ZNF148: variants seen among roughly 807,000 people sequenced by gnomAD.
ZNF148 encodes the protein Beta-Enolase Repressor Factor-1.
In ZNF148, 7 loss-of-function variants were observed where a neutral mutation model predicts 67.7. The observed-to-expected ratio is 0.10, with a 90% confidence interval of 0.06 to 0.19. ZNF148 has a LOEUF of 0.19. ZNF148 is among the 10% of genes least tolerant of loss of function. ZNF148 has a pLI of 1.00. For synonymous variants in ZNF148, 333 were observed against 330.7 expected, an observed-to-expected ratio of 1.01 and a Z score of -0.08; for missense variants, 583 against 947.1, an observed-to-expected ratio of 0.62 and a Z score of 5.05.
chr3:125,310,623 T>C (rs1940153793), intron 4 of ZNF148, among the ~76,000 whole-genome samples: 1 of 151,632 alleles, frequency 6.6e-6, no homozygotes, highest in Admixed American at 6.6e-5. Flanking sequence ...CAGAAATAAA[T>C]GAAACTGAAA....
rs142296275 is a variant in ZNF148, at chr3:125,321,798, T to C, written c.-17+1511A>G. 2.6e-5 allele frequency among the ~76,000 whole-genome samples: 4 copies of C among 152,248 alleles called. No homozygotes were observed. The East Asian group carries it at 7.7e-4, about 29-fold the overall frequency. ...ACATTAATATTCAAACTATAGTTTCTGTAATCTTACATAATAAATATTTTA... is the reference window on the plus strand; with the variant it reads ...ACATTAATATTCAAACTATAGTTTCCGTAATCTTACATAATAAATATTTTA... On this transcript the variant is annotated intron_variant, in intron 3 of 8. Transcript: ENST00000360647.
rs768929166 is a variant in ZNF148 at position 125,251,025 on chromosome 3, A to C, written c.668-16696T>G. Among the ~76,000 whole-genome samples, 5 of 152,140 alleles carry C rather than the reference A, an allele frequency of 3.3e-5. No homozygotes were observed. In the East Asian group the frequency reaches 5.8e-4, roughly 18 times the overall value. On this transcript the variant is annotated intron_variant, in intron 7 of 8. Coordinates refer to ENST00000360647, the MANE Select transcript of ZNF148 (RefSeq NM_021964.3). ...TTTATTTCGTCTAACCCTTCTCATT[A>C]TTTCTTTCTTTGCTACTTTCTTATT... is the stretch of plus-strand genomic sequence containing the variant.
At position 125,226,641 on chromosome 3, in the gene ZNF148, G is replaced by A. The variant is rs1437441936; in HGVS notation, c.*5700C>T. ...ACTATGCATGAAACAAGCTGTCACT[G>A]TATTATAAAGGCTCAGCAATTCATT... On this transcript the variant is annotated 3_prime_UTR_variant, in exon 9 of 9. Coordinates refer to ENST00000360647, the MANE Select transcript of ZNF148 (RefSeq NM_021964.3). The A allele has an allele frequency of 1.3e-5, 2 of 152,558 alleles. No individual in the cohort carries two copies. Among genetic ancestry groups the A allele is most frequent in the Non-Finnish European group, 2.9e-5 (2 of 68,006 alleles). The allele number at this position is 152,558 out of a possible 1,614,324, so 9.5% of individuals were successfully genotyped here. A position where few individuals can be genotyped will look rare whatever the true frequency, so the allele number is the denominator to read the frequency against.
chr3:125,256,260 C>T (rs1474744136), intron 7 of ZNF148, among the ~76,000 whole-genome samples: 13 of 151,352 alleles, frequency 8.6e-5, no homozygotes, highest in South Asian at 2.1e-4. Flanking sequence ...CCCAGCTACT[C>T]GGGAGGCTGA....
Position 125,279,234 on chromosome 3 carries a change from T to G in ZNF148, c.473A>C (p.Asn158Thr). The G allele has an allele frequency of 6.4e-7, 1 of 1,571,572 alleles. No homozygotes were observed. ...QRSPAKILTI[N>T]EDGSLGLKTP... The stretch of plus-strand genomic sequence containing the variant: ...TTTCAAACCAAGTGATCCATCCTCA[T>G]TTATTGTAAGGATCTAGTTCAAAAA... Residue 158 changes from asparagine (N) to threonine (T), a missense_variant, in exon 6 of 9, where the codon AAT becomes ACT. Asn to Thr is a moderately conservative substitution (Grantham distance 65, BLOSUM62 0). Around this residue, in one of 5 missense-constraint regions of ZNF148, gnomAD observed 150 missense variants for 202.5 expected, o/e 0.74. Coordinates refer to ENST00000360647, the MANE Select transcript of ZNF148 (RefSeq NM_021964.3).
intron 4 of ZNF148, among the ~76,000 whole-genome samples, chr3:125,298,806 T>G (rs1433830519): frequency 6.6e-6 from 1 of 151,796 alleles, no homozygotes; most frequent in Non-Finnish European, 1.5e-5. Context: ...TTTTTGTATT[T>G]TTAGTAGAGA....
chr3:125,342,901 T>C (rs935964560), intron 1 of ZNF148, among the ~76,000 whole-genome samples: 5 of 152,290 alleles, frequency 3.3e-5, no homozygotes, highest in African/African-American at 9.6e-5. Flanking sequence ...TTGATATTAG[T>C]AGACTAAGTC....
At chr3:125,366,988 A>C (rs1283685875) in intron 1 of ZNF148, among the ~76,000 whole-genome samples, 1 of 152,172 alleles carries the variant, frequency 6.6e-6, no homozygotes, top group African/African-American at 2.4e-5. Flanking sequence ...TGACTCACAG[A>C]TATATTTGTG....
intron 1 of ZNF148, among the ~76,000 whole-genome samples, chr3:125,347,566 A>ATT (rs1362461948): frequency 3.7e-5 from 3 of 81,018 alleles, no homozygotes; most frequent in Non-Finnish European, 7.1e-5. Context: ...AATTTTATGT[A>ATT]TTATTTTTTT....
At chr3:125,291,245 T>TGTA (rs1938995121) in intron 4 of ZNF148, among the ~76,000 whole-genome samples, 1 of 152,092 alleles carries the variant, frequency 6.6e-6, no homozygotes, top group Non-Finnish European at 1.5e-5. Flanking sequence ...AGCATTATCA[T>TGTA]CTCCCAATGT....
At chr3:125,269,205 C>CAAAAAAAA (rs71148173) in intron 7 of ZNF148, among the ~76,000 whole-genome samples, 2 of 96,870 alleles carry the variant, frequency 2.1e-5, no homozygotes, top group Non-Finnish European at 3.9e-5. Context: ...CGGTCTCTAC[C>CAAAAAAAA]AAAAAAAAAA....
intron 7 of ZNF148, among the ~76,000 whole-genome samples, chr3:125,244,762 T>C (rs916520307): frequency 2.0e-5 from 3 of 152,194 alleles, no homozygotes; most frequent in African/African-American, 7.2e-5. Context: ...CCTCCCAAAG[T>C]GCTGGGATTA....
chr3:125,252,121 A>G (rs934190582), intron 7 of ZNF148, among the ~76,000 whole-genome samples: 2 of 152,182 alleles, frequency 1.3e-5, no homozygotes, highest in African/African-American at 4.8e-5. Context: ...CACTCTGCCC[A>G]CTTTTCTACT....
intron 1 of ZNF148, among the ~76,000 whole-genome samples, chr3:125,342,213 A>G (rs1579853118): frequency 6.6e-6 from 1 of 152,306 alleles, no homozygotes; most frequent in Admixed American, 6.5e-5. Flanking sequence ...CTACTTGAAG[A>G]AATGATAACT....
At position 125,232,991 on chromosome 3, in the gene ZNF148, G is replaced by A. The variant is rs1935924701; in HGVS notation, c.1735C>T (p.Pro579Ser). 6.2e-7 allele frequency: 1 copy of A among 1,613,746 alleles called. No individual in the cohort carries two copies. The highest frequency in any genetic ancestry group is 8.5e-7 in the Non-Finnish European group (1 of 1,179,840). Residue 579 changes from proline (P) to serine (S), a missense_variant, in exon 9 of 9, where the codon CCA (proline) becomes TCA (serine). Coordinates refer to ENST00000360647, the MANE Select transcript of ZNF148 (RefSeq NM_021964.3). The surrounding 1 kb of genome is among the most constrained non-coding windows in gnomAD (Gnocchi z 4.2). Reference sequence around the variant, plus strand: ...ACATTCTCTGACGGGGTGACCTCTGGTACTTCTGAAGAATTTATTGATATG... The same window carrying A: ...ACATTCTCTGACGGGGTGACCTCTGATACTTCTGAAGAATTTATTGATATG... ...SSISINSSEV[P>S]EVTPSENVGS...
intron 1 of ZNF148, among the ~76,000 whole-genome samples, chr3:125,355,694 C>T (rs963867779): frequency 3.5e-4 from 53 of 150,430 alleles, no homozygotes; most frequent in African/African-American, 1.3e-3. Context: ...TGAGACCAGG[C>T]TGCTCAACAC....
Position 125,233,228 on chromosome 3 carries a change from C to T in ZNF148, c.1498G>A (p.Val500Ile). 6.2e-7 allele frequency: 1 copy of T among 1,613,834 alleles called. No individual in the cohort carries two copies. Among genetic ancestry groups the T allele is most frequent in the Non-Finnish European group, 8.5e-7 (1 of 1,179,870 alleles). The change falls in exon 9 of 9, where the codon GTA becomes ATA. Residue 500 changes from valine (V) to isoleucine (I), a missense_variant. By Grantham distance (29) the Val-to-Ile change is conservative. Around this residue, in one of 5 missense-constraint regions of ZNF148, gnomAD observed 172 missense variants for 307.7 expected, o/e 0.56. Coordinates refer to ENST00000360647, the MANE Select transcript of ZNF148 (RefSeq NM_021964.3). This position sits in a 1 kb window ranked among gnomAD's most constrained non-coding sequence, Gnocchi z 5.1. ...ACACTTGCCACAGCTGCTTGTGTTA[C>T]AGAAGGCTGAGAAGCTATGGTACCC... is the stretch of plus-strand genomic sequence containing the variant. The part of the protein sequence containing the change: ...NVGTIASQPS[V>I]TQAAVASVID...
At chr3:125,371,038 A>G (rs1363190562) in intron 1 of ZNF148, among the ~76,000 whole-genome samples, 3 of 151,990 alleles carry the variant, frequency 2.0e-5, no homozygotes, top group Admixed American at 2.0e-4. Context: ...ATGCCAATCC[A>G]TTACCTCCTA....
intron 1 of ZNF148, among the ~76,000 whole-genome samples, chr3:125,339,274 T>C (rs1211099546): frequency 6.6e-6 from 1 of 152,236 alleles, no homozygotes; most frequent in Non-Finnish European, 1.5e-5. Flanking sequence ...AGCACGACAA[T>C]TTATCTTACC....
Sources: allele counts gnomAD v4.1 joint callset (sites outside exome capture counted in the v4.1 genomes callset), GRCh38; gene constraint gnomAD v4.1.1; regional missense constraint gnomAD v4.1.1; non-coding constraint Gnocchi (gnomAD v3.1); transcripts MANE v1.5; gene names NCBI Gene and HGNC (gene_info 2026-07-23, HGNC 2026-07-21).